GTF3C1: variants seen among roughly 807,000 people sequenced by gnomAD.
GTF3C1 encodes the protein general transcription factor 3C polypeptide 1.
GTF3C1 carries 57 observed loss-of-function variants against 226.7 expected under a neutral mutation model. The observed-to-expected ratio is 0.25, with a 90% CI of 0.20 to 0.31. The LOEUF (loss-of-function observed/expected upper bound fraction) is 0.31, where lower values mean the gene tolerates loss of function less well. GTF3C1 is among the 10% of genes least tolerant of loss of function. The pLI is 1.00. For missense variants in GTF3C1, 2,217 were observed against 2,776.1 expected (o/e 0.80, Z 4.53); for synonymous variants, 1,090 against 1,084.8 (o/e 1.00, Z -0.09).
At chr16:27,481,966 G>A (rs1251662769) in intron 26 of GTF3C1, among the ~76,000 whole-genome samples, 1 of 152,180 alleles carries the variant, frequency 6.6e-6, no homozygotes, top group Non-Finnish European at 1.5e-5. Context: ...TGTGGGGAGG[G>A]AGGATGCCCA....
intron 24 of GTF3C1, among the ~76,000 whole-genome samples, chr16:27,485,572 G>A (rs1450080103): frequency 2.6e-5 from 4 of 152,210 alleles, no homozygotes; most frequent in Admixed American, 6.5e-5. Flanking sequence ...TTAGACTACT[G>A]GTGAGGAGAG....
intron 4 of GTF3C1, among the ~76,000 whole-genome samples, chr16:27,533,988 A>G (rs766171232): frequency 2.0e-5 from 3 of 152,216 alleles, no homozygotes; most frequent in Admixed American, 1.3e-4. Flanking sequence ...CTTGGGTGAC[A>G]GAGCGAGACT....
intron 32 of GTF3C1, among the ~76,000 whole-genome samples, chr16:27,468,555 T>G (rs910228772): frequency 6.6e-6 from 1 of 152,154 alleles, no homozygotes; most frequent in African/African-American, 2.4e-5. Flanking sequence ...GAGATGACAG[T>G]GAGCTATCAT....
chr16:27,478,561 G>T, intron 27 of GTF3C1, 30 bp from the exon 28 acceptor site: 2 of 1,512,376 alleles, frequency 1.3e-6, no homozygotes, highest in Non-Finnish European at 9.2e-7. Context: ...GCATGTCAGT[G>T]AAACAAAACA....
chr16:27,527,973 CAA>C (rs34471997), intron 6 of GTF3C1, among the ~76,000 whole-genome samples: 88 of 127,470 alleles, frequency 6.9e-4, no homozygotes, highest in Admixed American at 8.0e-4. Flanking sequence ...GACCCTGTCT[CAA>C]AAAAAAAAAA....
In GTF3C1 at chr16:27,486,108, TTCA is replaced by T; in HGVS notation, c.3744_3746del (p.Asp1248del). On this transcript the variant is annotated inframe_deletion, in exon 24 of 37. Transcript: ENST00000356183. ...TCCGCTGCAGGGCACTCTGGTCGGC[TTCA>T]TCATGGTAGCGCAGCCTTTTGCTTT... The T allele has an allele frequency of 6.2e-7, 1 of 1,608,210 alleles. No homozygotes were observed.
chr16:27,514,381 A>C (rs1248177151), intron 6 of GTF3C1, among the ~76,000 whole-genome samples: 1 of 152,068 alleles, frequency 6.6e-6, no homozygotes, highest in South Asian at 2.1e-4. Context: ...GGGGACAAGG[A>C]GACTTTCGGG....
At chr16:27,512,721 C>T (rs748494562) in intron 6 of GTF3C1, among the ~76,000 whole-genome samples, 5 of 152,154 alleles carry the variant, frequency 3.3e-5, no homozygotes, top group South Asian at 2.1e-4. Flanking sequence ...GAAAGATATA[C>T]GTATATGTAG....
intron 11 of GTF3C1, among the ~76,000 whole-genome samples, chr16:27,501,769 T>C (rs183120830): frequency 9.8e-5 from 15 of 152,352 alleles, no homozygotes; most frequent in African/African-American, 2.9e-4. Context: ...CTCTAGGTCT[T>C]ACTGAGTCAC....
At chr16:27,465,629 C>T (rs2087776172) in intron 32 of GTF3C1, 89 bp from the exon 33 acceptor site, 1 of 1,037,320 alleles carries the variant, frequency 9.6e-7, no homozygotes, top group Non-Finnish European at 1.4e-6. Context: ...GAAAGGCATG[C>T]TCCAGCACCA....
intron 6 of GTF3C1, among the ~76,000 whole-genome samples, chr16:27,514,794 A>C (rs1257972308): frequency 6.6e-6 from 1 of 152,238 alleles, no homozygotes; most frequent in Non-Finnish European, 1.5e-5. Context: ...GCTAGTGAGA[A>C]GGTGGCATTT....
Position 27,464,394 on chromosome 16 carries a change from C to G in GTF3C1, c.5798G>C (p.Gly1933Ala). 1 of 1,597,776 alleles carries G rather than the reference C, an allele frequency of 6.3e-7. No individual in the cohort carries two copies. Among genetic ancestry groups the G allele is most frequent in the East Asian group, 2.3e-5 (1 of 44,248 alleles). ...CTCTTGGCCTGGGGAACTGAACTCACCGACACCCTCTTGGTCTTCCTGTGC... is the reference window on the plus strand; with the variant it reads ...CTCTTGGCCTGGGGAACTGAACTCAGCGACACCCTCTTGGTCTTCCTGTGC... ...GAAQEDQEGVGEFSSPGQEQL... is the reference protein window; with the variant it reads ...GAAQEDQEGVAEFSSPGQEQL... Residue 1933 changes from glycine (G) to alanine (A), a missense_variant, in exon 34 of 37, where the codon GGT becomes GCT. Transcript: ENST00000356183.
At chr16:27,473,452 T>G (rs976122616) in intron 29 of GTF3C1, among the ~76,000 whole-genome samples, 3 of 152,262 alleles carry the variant, frequency 2.0e-5, no homozygotes, top group African/African-American at 7.2e-5. Context: ...CCTATAGGAC[T>G]GTCTCCTCAA....
Position 27,536,803 on chromosome 16 carries a change from G to A in GTF3C1, c.752+981C>T, listed in dbSNP as rs567907863. ...CTAAGGGCTGCTCTTCCCAGGCCCT[G>A]CACCAGCTTGACCTTTTCCCATTCT... On this transcript the variant is annotated intron_variant, in intron 4 of 36. Coordinates refer to ENST00000356183, the MANE Select transcript of GTF3C1 (RefSeq NM_001520.4). Among the ~76,000 whole-genome samples the A allele has an allele frequency of 4.6e-5, 7 of 152,268 alleles. No individual in the cohort carries two copies. The East Asian group carries it at 1.4e-3, about 29-fold the overall frequency.
intron 6 of GTF3C1, among the ~76,000 whole-genome samples, chr16:27,525,163 G>GA (rs1555504426): frequency 2.8e-5 from 4 of 141,176 alleles, no homozygotes; most frequent in African/African-American, 1.3e-4. Context: ...AAAAAGAAAA[G>GA]AAAGAAAAGA....
intron 4 of GTF3C1, among the ~76,000 whole-genome samples, chr16:27,533,753 C>A (rs569131315): frequency 6.6e-6 from 1 of 152,288 alleles, no homozygotes; most frequent in Non-Finnish European, 1.5e-5. Context: ...CGGGCAAAAT[C>A]CCAGCACTTT....
chr16:27,469,463 C>T lies in GTF3C1; in HGVS notation c.4902G>A (p.Glu1634=), dbSNP rs1456631387. The T allele has an allele frequency of 6.2e-7, 1 of 1,614,200 alleles. No individual in the cohort carries two copies. The highest frequency in any genetic ancestry group is 8.5e-7 in the Non-Finnish European group (1 of 1,180,022). Residue 1634 remains glutamate, a synonymous_variant, in exon 32 of 37, where the codon GAG becomes GAA. Coordinates refer to ENST00000356183, the MANE Select transcript of GTF3C1 (RefSeq NM_001520.4). This position sits in a 1 kb window ranked among gnomAD's most constrained non-coding sequence, Gnocchi z 4.5. The stretch of plus-strand genomic sequence containing the variant: ...TGTGGGAGGCTTGCGCAGGTTTCAC[C>T]TCCATGCTCCGGCGCTTGCCCCCTA... ...EGVGGKRRSM[E]VKPAQASHTN... is the part of the protein sequence containing the mutation.
intron 23 of GTF3C1, among the ~76,000 whole-genome samples, chr16:27,487,661 C>T (rs949056946): frequency 2.0e-5 from 3 of 152,150 alleles, no homozygotes; most frequent in Admixed American, 1.3e-4. Flanking sequence ...GGTGTGGTGG[C>T]GCACGCCTGT....
chr16:27,530,433 G>A (rs1210988434), intron 5 of GTF3C1, among the ~76,000 whole-genome samples: 2 of 152,092 alleles, frequency 1.3e-5, no homozygotes, highest in Non-Finnish European at 2.9e-5. Flanking sequence ...GCCTTCTGAG[G>A]GGCTGCCATC....
Sources: allele counts gnomAD v4.1 joint callset (sites outside exome capture counted in the v4.1 genomes callset), GRCh38; gene constraint gnomAD v4.1.1; non-coding constraint Gnocchi (gnomAD v3.1); transcripts MANE v1.5; gene names NCBI Gene and HGNC (gene_info 2026-07-23, HGNC 2026-07-21).